The following EXOC3L1 variants were observed in gnomAD, a reference collection of about 807,000 sequenced individuals.
EXOC3L1 encodes the protein exocyst complex component 3 like 1, also known as exocyst complex component 3-like protein.
EXOC3L1 carries 79 observed loss-of-function variants against 83.6 expected under a neutral mutation model. The ratio of observed to expected loss-of-function variants is 0.95; its 90% CI spans 0.79 to 1.14. EXOC3L1 has a LOEUF of 1.14. Ranked by LOEUF, EXOC3L1 falls within the 50% of genes most tolerant of loss-of-function variation. The pLI is 0.00. For missense variants in EXOC3L1, 945 were observed against 972.0 expected, an observed-to-expected ratio of 0.97 and a Z score of 0.37; for synonymous variants, 433 against 451.2, an observed-to-expected ratio of 0.96 and a Z score of 0.51.
In EXOC3L1 at chr16:67,187,225, C is replaced by A. The variant is rs1287228153; in HGVS notation, c.1040G>T (p.Gly347Val). Residue 347 changes from glycine to valine, a missense_variant and splice_region_variant, in exon 5 of 14, where the codon GGG (glycine) becomes GTG (valine). Gly to Val is a moderately radical substitution (Grantham distance 109). Coordinates refer to ENST00000314586, the MANE Select transcript of EXOC3L1 (RefSeq NM_178516.4). ...LLHWALHVYLGQEMMGSLELG... is the reference protein window; with the variant it reads ...LLHWALHVYLVQEMMGSLELG... ...GTCCCGCTGCCCCAAAGGCACTGACCCCAGGTACACATGCAGTGCCCAGTG... is the reference window on the plus strand; with the variant it reads ...GTCCCGCTGCCCCAAAGGCACTGACACCAGGTACACATGCAGTGCCCAGTG... The A allele has an allele frequency of 6.2e-7, 1 of 1,609,850 alleles. No homozygotes were observed. Among genetic ancestry groups the A allele is most frequent in the African/African-American group, 1.3e-5 (1 of 74,872 alleles).
intron 9 of EXOC3L1, among the ~76,000 whole-genome samples, chr16:67,186,027 C>A (rs1394180881): frequency 3.3e-5 from 5 of 152,146 alleles, no homozygotes; most frequent in Non-Finnish European, 7.3e-5. Flanking sequence ...TCCATTAGTA[C>A]CCCCATAATA....
chr16:67,186,409 C>T, intron 8 of EXOC3L1, 62 bp from the exon 9 acceptor site: 2 of 1,415,294 alleles, frequency 1.4e-6, no homozygotes, highest in Admixed American at 2.0e-5. Flanking sequence ...CAGCCCCAGT[C>T]CCTGGTACTC....
At chr16:67,185,091 C>T (rs1339646033) in intron 11 of EXOC3L1, 34 bp from the exon 12 acceptor site, 1 of 1,612,308 alleles carries the variant, frequency 6.2e-7, no homozygotes, top group East Asian at 2.2e-5. Context: ...TGCAGGTCGC[C>T]TCTCACCCGC....
chr16:67,184,883 C>T lies in EXOC3L1; in HGVS notation c.1905+19G>A, dbSNP rs541801424. 2.5e-6 allele frequency: 4 copies of T among 1,611,772 alleles called. No homozygotes were observed. In the East Asian group the frequency reaches 8.9e-5, roughly 36 times the overall value. ...GCCACTGAGACTCTCGCCCGTCTGC[C>T]CGCCCAAGAAGCTCTCACCAAACTG... On this transcript the variant is annotated intron_variant, in intron 12 of 13. Coordinates refer to ENST00000314586, the MANE Select transcript of EXOC3L1 (RefSeq NM_178516.4).
At chr16:67,185,559 C>T in intron 9 of EXOC3L1, 69 bp from the exon 10 acceptor site, 1 of 1,446,472 alleles carries the variant, frequency 6.9e-7, no homozygotes, top group Non-Finnish European at 9.5e-7. Context: ...GGTCCAGACC[C>T]TCCGGCGCCA....
chr16:67,187,563 T>C lies in EXOC3L1; in HGVS notation c.702A>G (p.Thr234=). The stretch of plus-strand genomic sequence containing the variant: ...CCCGGGGGACCTGGCCCAGGGGGGT[T>C]GTTCGTCCAGTCTCCACCTCCGCCA... The part of the protein sequence containing the change: ...VRVAEVETGR[T]TPLGQVPRDW... The change falls in exon 5 of 14, where the codon ACA becomes ACG. Residue 234 remains threonine (T), a synonymous_variant. Transcript: ENST00000314586. 1.2e-6 allele frequency: 2 copies of C among 1,603,824 alleles called. No homozygotes were observed. Among genetic ancestry groups the C allele is most frequent in the Non-Finnish European group, 1.7e-6 (2 of 1,178,552 alleles).
Position 67,189,636 on chromosome 16 carries a change from G to T in EXOC3L1, c.41C>A (p.Ser14Tyr), listed in dbSNP as rs752464115. ...AAKDEMQPALSPGPEWPEQER... is the reference protein window; with the variant it reads ...AAKDEMQPALYPGPEWPEQER... ...TCCACCCAAAAGGTTCATACCAGGG[G>T]ACAACGCCGGCTGCATCTCATCCTT... The change falls in exon 2 of 14, where the codon TCC becomes TAC. Residue 14 changes from serine to tyrosine, a missense_variant. By Grantham distance (144) the Ser-to-Tyr change is moderately radical. Transcript: ENST00000314586. 13 of 1,614,002 alleles carry T rather than the reference G, an allele frequency of 8.1e-6. No individual in the cohort carries two copies. The South Asian group carries it at 1.3e-4, about 16-fold the overall frequency.
intron 9 of EXOC3L1, 88 bp from the exon 10 acceptor site, chr16:67,185,578 G>A (rs1224771283): frequency 1.2e-5 from 15 of 1,263,390 alleles, no homozygotes; most frequent in Non-Finnish European, 1.7e-5. Flanking sequence ...CACCTTGTGG[G>A]GCAAGTGTTT....
chr16:67,187,748 G>C lies in EXOC3L1; in HGVS notation c.517C>G (p.Arg173Gly). Residue 173 changes from arginine to glycine, a missense_variant, in exon 5 of 14, where the codon CGA (arginine) becomes GGA (glycine). Coordinates refer to ENST00000314586, the MANE Select transcript of EXOC3L1 (RefSeq NM_178516.4). ...YVSLRELEQL[R>G]EDTWAPLGGL... ...CCCAGGGGTGCCCACGTATCCTCTC[G>C]CAGCTGCTCCAGCTCCCGAAGGCTC... is the stretch of plus-strand genomic sequence containing the variant. 6.2e-7 allele frequency: 1 copy of C among 1,612,974 alleles called. No individual in the cohort carries two copies. Among genetic ancestry groups the C allele is most frequent in the Non-Finnish European group, 8.5e-7 (1 of 1,179,990 alleles).
At position 67,187,588 on chromosome 16, in the gene EXOC3L1, A is replaced by C; in HGVS notation, c.677T>G (p.Val226Gly). The C allele has an allele frequency of 6.2e-7, 1 of 1,606,866 alleles. No individual in the cohort carries two copies. Among genetic ancestry groups the C allele is most frequent in the Non-Finnish European group, 8.5e-7 (1 of 1,178,846 alleles). The change falls in exon 5 of 14, where the codon GTG (valine) becomes GGG (glycine). Residue 226 changes from valine to glycine, a missense_variant. Physicochemically the swap from Val to Gly is moderately radical, Grantham distance 109 (BLOSUM62 -3). Transcript: ENST00000314586. ...DPALLVAAVR[V>G]AEVETGRTTP... is the part of the protein sequence containing the mutation. Reference sequence around the variant, plus strand: ...TGTTCGTCCAGTCTCCACCTCCGCCACACGCACAGCAGCCACCAACAGGGC... The same window carrying C: ...TGTTCGTCCAGTCTCCACCTCCGCCCCACGCACAGCAGCCACCAACAGGGC...
Position 67,185,162 on chromosome 16 carries a change from A to G in EXOC3L1, c.1723T>C (p.Trp575Arg), listed in dbSNP as rs1376104511. ...TGAACCGTGGGGTTCCGCACGCGCC[A>G]GAAGTCCCGGCAGAAGCGCCCCGTC... ...ERTGRFCRDF[W>R]RVRNPTVQLL... The change falls in exon 11 of 14, where the codon TGG becomes CGG. Residue 575 changes from tryptophan to arginine, a missense_variant. Physicochemically the swap from Trp to Arg is moderately radical, Grantham distance 101. Transcript: ENST00000314586. 2.5e-6 allele frequency: 4 copies of G among 1,613,382 alleles called. No homozygotes were observed. The Admixed American group carries it at 6.7e-5, about 27-fold the overall frequency.
Position 67,186,896 on chromosome 16 carries a change from G to T in EXOC3L1, c.1159-12C>A. The T allele has an allele frequency of 6.2e-7, 1 of 1,613,434 alleles. No homozygotes were observed. ...TGAGACACACTTGCCTGGGGGGAGGGGCCAGGGGCAAAGGAATGTAGCAGG... is the reference window on the plus strand; with the variant it reads ...TGAGACACACTTGCCTGGGGGGAGGTGCCAGGGGCAAAGGAATGTAGCAGG... On this transcript the variant is annotated splice_polypyrimidine_tract_variant and intron_variant, in intron 6 of 13. Transcript: ENST00000314586.
intron 13 of EXOC3L1, 32 bp downstream of exon 13, chr16:67,184,654 G>C (rs1193611253): frequency 6.3e-7 from 1 of 1,580,176 alleles, no homozygotes; most frequent in Non-Finnish European, 8.6e-7. Context: ...CCGCCCTCCG[G>C]CTTCTCTTCC....
In EXOC3L1 at chr16:67,188,751, G is replaced by A. The variant is rs2032799297; in HGVS notation, c.397C>T (p.Leu133=). The A allele has an allele frequency of 6.2e-7, 1 of 1,612,272 alleles. No homozygotes were observed. The highest frequency in any genetic ancestry group is 1.3e-5 in the African/African-American group (1 of 74,938). Residue 133 remains leucine (L), a synonymous_variant, in exon 4 of 14, where the codon CTG becomes TTG. Transcript: ENST00000314586. ...RVAQHKQLQA[L]SHLLPRLRAV... The stretch of plus-strand genomic sequence containing the variant: ...CGCAGCCGAGGCAGCAGGTGAGACA[G>A]GGCCTGCAGTTGCTTGTGCTGGGCA...
chr16:67,187,836 C>T lies in EXOC3L1; in HGVS notation c.429G>A (p.Val143=), dbSNP rs1392843221. ...LSHLLPRLRA[V]PAAVSHTQTL... is the part of the protein sequence containing the mutation. ...TCTGTGTGTGGGACACTGCAGCCGG[C>T]ACTAATGAGAGTGAAAAGGAGACGG... Residue 143 remains valine, a splice_region_variant and synonymous_variant, in exon 5 of 14, where the codon GTG becomes GTA. Transcript: ENST00000314586. 2 of 1,578,854 alleles carry T rather than the reference C, an allele frequency of 1.3e-6. No individual in the cohort carries two copies. Among genetic ancestry groups the T allele is most frequent in the Non-Finnish European group, 1.7e-6 (2 of 1,159,462 alleles).
intron 4 of EXOC3L1, among the ~76,000 whole-genome samples, chr16:67,188,167 C>G (rs2032783021): frequency 6.6e-6 from 1 of 152,146 alleles, no homozygotes; most frequent in African/African-American, 2.4e-5. Context: ...TTGCTTGAAC[C>G]TGGGATATGG....
At position 67,187,545 on chromosome 16, in the gene EXOC3L1, G is replaced by A. The variant is rs1210740065; in HGVS notation, c.720C>T (p.Val240=). Residue 240 remains valine, a synonymous_variant, in exon 5 of 14, where the codon GTC becomes GTT. Coordinates refer to ENST00000314586, the MANE Select transcript of EXOC3L1 (RefSeq NM_178516.4). ...GACAGCGCTGACGCCAGTCCCGGGG[G>A]ACCTGGCCCAGGGGGGTTGTTCGTC... The part of the protein sequence containing the change: ...ETGRTTPLGQ[V]PRDWRQRCLR... The A allele has an allele frequency of 1.2e-6, 2 of 1,602,520 alleles. No individual in the cohort carries two copies. The highest frequency in any genetic ancestry group is 1.7e-6 in the Non-Finnish European group (2 of 1,178,166).
At position 67,187,486 on chromosome 16, in the gene EXOC3L1, T is replaced by C. The variant is rs141845668; in HGVS notation, c.779A>G (p.His260Arg). Residue 260 changes from histidine to arginine, a missense_variant, in exon 5 of 14, where the codon CAC becomes CGC. Physicochemically the swap from His to Arg is conservative, Grantham distance 29 (BLOSUM62 0). Transcript: ENST00000314586. ...RALQEGLEQAHFGSPLLPAPG... is the reference protein window; with the variant it reads ...RALQEGLEQARFGSPLLPAPG... ...TGCAGGCAGCAGAGGTGACCCAAAGTGGGCCTGCTCCAGGCCCTCCTGTAG... is the reference window on the plus strand; with the variant it reads ...TGCAGGCAGCAGAGGTGACCCAAAGCGGGCCTGCTCCAGGCCCTCCTGTAG... 3,518 of 1,605,222 alleles carry C rather than the reference T, an allele frequency of 2.2e-3. 12 individuals carry two copies. The highest frequency in any genetic ancestry group is 2.7e-3 in the Non-Finnish European group (3,200 of 1,179,388).
In EXOC3L1 at chr16:67,185,142, C is replaced by T; in HGVS notation, c.1743G>A (p.Thr581=). 6.2e-7 allele frequency: 1 copy of T among 1,613,302 alleles called. No homozygotes were observed. Residue 581 remains threonine (T), a synonymous_variant, in exon 11 of 14, where the codon ACG becomes ACA. Coordinates refer to ENST00000314586, the MANE Select transcript of EXOC3L1 (RefSeq NM_178516.4). ...ATCTTTTCCCCCAACCCACCTGAAC[C>T]GTGGGGTTCCGCACGCGCCAGAAGT... is the stretch of plus-strand genomic sequence containing the variant. The part of the protein sequence containing the change: ...CRDFWRVRNP[T]VQLLLAEAER...
Sources: allele counts gnomAD v4.1 joint callset (sites outside exome capture counted in the v4.1 genomes callset), GRCh38; gene constraint gnomAD v4.1.1; transcripts MANE v1.5; gene names NCBI Gene and HGNC (gene_info 2026-07-23, HGNC 2026-07-21).